Variants in CHD4 observed in about 807,000 individuals in gnomAD.
The protein encoded by CHD4 is chromodomain helicase DNA binding protein 4.
In CHD4, 35 loss-of-function variants were observed where a neutral mutation model predicts 235.5. That is an observed-to-expected ratio of 0.15 (90% CI 0.11 to 0.20). The LOEUF (loss-of-function observed/expected upper bound fraction) is 0.20, where lower values mean the gene tolerates loss of function less well. Ranked by LOEUF, CHD4 falls within the 10% of genes least tolerant of loss-of-function variation. The probability of loss-of-function intolerance (pLI) is 1.00; values close to 1 mark genes in which losing one functional copy is unlikely to be tolerated. For missense variants in CHD4, 1,329 were observed against 2,432.3 expected (o/e 0.55, Z 9.54); for synonymous variants, 900 against 850.2 (o/e 1.06, Z -1.02).
At chr12:6,588,804 G>A (rs1370021799) in intron 22 of CHD4, among the ~76,000 whole-genome samples, 1 of 152,056 alleles carries the variant, frequency 6.6e-6, no homozygotes, top group Non-Finnish European at 1.5e-5. Context: ...ATTTAGCTGG[G>A]AATGGTGGCA....
chr12:6,597,126 A>G (rs2136219824), intron 12 of CHD4, among the ~76,000 whole-genome samples: 1 of 150,346 alleles, frequency 6.7e-6, no homozygotes, highest in South Asian at 2.1e-4. Flanking sequence ...AAAAAAAAAA[A>G]TTAGCCAGGC....
chr12:6,577,719 T>C, intron 37 of CHD4, 66 bp downstream of exon 37: 1 of 1,597,126 alleles, frequency 6.3e-7, no homozygotes, highest in East Asian at 2.2e-5. Context: ...AGACTCCCTC[T>C]GCTGCAGGAC....
chr12:6,594,612 A>G lies in CHD4; in HGVS notation c.2160T>C (p.Asp720=), dbSNP rs780987215. Residue 720 remains aspartate (D), a synonymous_variant, in exon 15 of 40, where the codon GAT becomes GAC. Transcript: ENST00000544040. ...AGGGGTGCAGGGTTCCACCTGTAGC[A>G]TCCAGGTACTCTGGCTGTCGCTCAT... ...VKYERQPEYL[D]ATGGTLHPYQ... is the part of the protein sequence containing the mutation. 1 of 1,614,034 alleles carries G rather than the reference A, an allele frequency of 6.2e-7. No individual in the cohort carries two copies. Among genetic ancestry groups the G allele is most frequent in the Non-Finnish European group, 8.5e-7 (1 of 1,179,950 alleles).
In CHD4 at chr12:6,581,284, C is replaced by T; in HGVS notation, c.4779+7G>A. 1 of 1,614,142 alleles carries T rather than the reference C, an allele frequency of 6.2e-7. No homozygotes were observed. Among genetic ancestry groups the T allele is most frequent in the Non-Finnish European group, 8.5e-7 (1 of 1,179,998 alleles). On this transcript the variant is annotated splice_region_variant and intron_variant, in intron 32 of 39. Coordinates refer to ENST00000544040, the MANE Select transcript of CHD4 (RefSeq NM_001273.5). ...TTAGTATGGCATTCAGTCACCCCAT[C>T]TCTTACCTCAATGGCAGTCTCAGGG... is the stretch of plus-strand genomic sequence containing the variant.
chr12:6,588,456 T>C (rs934946619), intron 22 of CHD4, 34 bp from the exon 23 acceptor site: 24 of 1,603,632 alleles, frequency 1.5e-5, no homozygotes, highest in Non-Finnish European at 2.0e-5. Context: ...ATTAGAAGTG[T>C]CTCCTAAATT....
At chr12:6,606,227 G>C in intron 2 of CHD4, 47 bp downstream of exon 2, 1 of 1,285,710 alleles carries the variant, frequency 7.8e-7, no homozygotes, top group African/African-American at 1.5e-5. Flanking sequence ...ACTCGGGAGA[G>C]CCCCAGATGT....
At chr12:6,606,603 G>A (rs938264145) in intron 1 of CHD4, 152 bp from the exon 2 acceptor site, 1 of 414,504 alleles carries the variant, frequency 2.4e-6, no homozygotes, top group Admixed American at 4.6e-5. Context: ...ACTCCTCGGG[G>A]GCAGCCCGGA....
At position 6,599,825 on chromosome 12, in the gene CHD4, T is replaced by C; in HGVS notation, c.1430A>G (p.Asn477Ser). The C allele has an allele frequency of 6.2e-7, 1 of 1,614,134 alleles. No homozygotes were observed. The highest frequency in any genetic ancestry group is 8.5e-7 in the Non-Finnish European group (1 of 1,180,020). The part of the protein sequence containing the change: ...CPSSYHIHCL[N>S]PPLPEIPNGE... ...GTTGGGGATCTCTGGAAGTGGGGGA[T>C]TCAGGCAGTGGATGTGGTAGGAAGA... is the stretch of plus-strand genomic sequence containing the variant. Residue 477 changes from asparagine to serine, a missense_variant, in exon 10 of 40, where the codon AAT (asparagine) becomes AGT (serine). Around this residue, in one of 26 missense-constraint regions of CHD4, gnomAD observed 33 missense variants for 84.2 expected, o/e 0.39. Transcript: ENST00000544040.
intron 2 of CHD4, among the ~76,000 whole-genome samples, chr12:6,605,380 T>G (rs1424633765): frequency 6.6e-6 from 1 of 152,328 alleles, no homozygotes; most frequent in East Asian, 1.9e-4. Flanking sequence ...GAAAGACATC[T>G]GCTTAGGGGC....
intron 22 of CHD4, among the ~76,000 whole-genome samples, chr12:6,590,391 A>C (rs1325972714): frequency 6.6e-6 from 1 of 152,184 alleles, no homozygotes; most frequent in East Asian, 1.9e-4. Flanking sequence ...TCTAGTTTTG[A>C]TCATTGTACT....
At chr12:6,579,588 CAA>C (rs1191325394) in intron 33 of CHD4, 5 of 122,560 alleles carry the variant, frequency 4.1e-5, no homozygotes, top group Non-Finnish European at 6.8e-5. Context: ...GACTCCATCT[CAA>C]AAAAAAAAAA....
rs758929074 is a variant in CHD4, at chr12:6,587,491, G to A, written c.3772C>T (p.Leu1258=). The change falls in exon 25 of 40, where the codon CTA becomes TTA. Residue 1258 remains leucine, a synonymous_variant. Coordinates refer to ENST00000544040, the MANE Select transcript of CHD4 (RefSeq NM_001273.5). ...HYDDKAIERL[L]DRNQDETEDT... ...TCAGTCTCATCCTGGTTACGGTCTAGCAGCCGTTCAATGGCCTTATCATCG... is the reference window on the plus strand; with the variant it reads ...TCAGTCTCATCCTGGTTACGGTCTAACAGCCGTTCAATGGCCTTATCATCG... The A allele has an allele frequency of 5.0e-5, 80 of 1,614,020 alleles. No individual in the cohort carries two copies. Among genetic ancestry groups the A allele is most frequent in the Middle Eastern group, 3.3e-4 (2 of 6,084 alleles).
intron 10 of CHD4, among the ~76,000 whole-genome samples, chr12:6,598,803 C>T (rs975285896): frequency 5.9e-5 from 9 of 151,938 alleles, no homozygotes; most frequent in African/African-American, 2.2e-4. Context: ...AGCAAGACTC[C>T]ATCTCAAAAA....
rs115174844 is a variant in CHD4, at chr12:6,582,923, G to A, written c.4161C>T (p.Pro1387=). Residue 1387 remains proline, a synonymous_variant, in exon 28 of 40, where the codon CCC becomes CCT. Coordinates refer to ENST00000544040, the MANE Select transcript of CHD4 (RefSeq NM_001273.5). ...FDERSEAPRR[P]SRKGLRNDKD... is the part of the protein sequence containing the mutation. ...TATCATTCCGCAGGCCCTTACGACT[G>A]GGCCTACGGGGAGCTGCAAGAAGAA... The A allele has an allele frequency of 6.6e-4, 1,065 of 1,613,668 alleles. 9 individuals are homozygous for A. In the African/African-American group the frequency reaches 0.013, roughly 19 times the overall value.
At position 6,606,448 on chromosome 12, in the gene CHD4, G is replaced by C; in HGVS notation, c.-75C>G. On this transcript the variant is annotated 5_prime_UTR_variant, in exon 2 of 40. Coordinates refer to ENST00000544040, the MANE Select transcript of CHD4 (RefSeq NM_001273.5). The stretch of plus-strand genomic sequence containing the variant: ...CCTGAGGACCTCTACACTGGCCCGA[G>C]TCACTGTGCGGGGGAGGGGGGAGAA... 5 of 831,928 alleles carry C rather than the reference G, an allele frequency of 6.0e-6. No homozygotes were observed. Among genetic ancestry groups the C allele is most frequent in the Non-Finnish European group, 9.4e-6 (5 of 530,400 alleles). 51.5% of individuals were successfully genotyped at this position (831,928 alleles called of 1,614,324 possible).
In CHD4 at chr12:6,583,003, C is replaced by A. The variant is rs1565606051; in HGVS notation, c.4147+24G>T. On this transcript the variant is annotated intron_variant, in intron 27 of 39. Coordinates refer to ENST00000544040, the MANE Select transcript of CHD4 (RefSeq NM_001273.5). ...TTAAACAAAGCAACATTTAGAAAAG[C>A]AACAAAAAAAGCACAGCCCTCACCT... The A allele has an allele frequency of 8.2e-6, 13 of 1,583,392 alleles. No individual in the cohort carries two copies. The Admixed American group carries it at 1.3e-4, about 16-fold the overall frequency.
intron 33 of CHD4, among the ~76,000 whole-genome samples, chr12:6,579,944 T>G (rs1345057948): frequency 1.3e-5 from 2 of 149,360 alleles, no homozygotes; most frequent in East Asian, 4.0e-4. Context: ...TAGTCCCAGC[T>G]ACTCAGGAGG....
At chr12:6,572,349 C>G (rs1383096214) in intron 38 of CHD4, among the ~76,000 whole-genome samples, 3 of 150,088 alleles carry the variant, frequency 2.0e-5, no homozygotes, top group Non-Finnish European at 4.4e-5. Context: ...TTGCTTGAAC[C>G]CAGGAGGCAG....
At chr12:6,578,781 G>A in intron 34 of CHD4, 65 bp downstream of exon 34, 1 of 1,505,062 alleles carries the variant, frequency 6.6e-7, no homozygotes, top group Non-Finnish European at 9.2e-7. Context: ...AGGCAGGGCA[G>A]ATACAGTCCT....
Sources: allele counts gnomAD v4.1 joint callset (sites outside exome capture counted in the v4.1 genomes callset), GRCh38; gene constraint gnomAD v4.1.1; regional missense constraint gnomAD v4.1.1; transcripts MANE v1.5; gene names NCBI Gene and HGNC (gene_info 2026-07-23, HGNC 2026-07-21).